Variants in EPHB1 observed in about 807,000 individuals in gnomAD.
The protein encoded by EPHB1 is EPH receptor B1.
Under a neutral mutation model 94.4 loss-of-function variants are expected in EPHB1, and 30 were observed. The ratio of observed to expected loss-of-function variants is 0.32; its 90% CI spans 0.24 to 0.43. The LOEUF is 0.43. EPHB1 is among the 20% of genes least tolerant of loss of function. EPHB1 has a pLI of 1.00. For synonymous variants in EPHB1, 522 were observed against 489.1 expected, an observed-to-expected ratio of 1.07 and a Z score of -0.89; for missense variants, 1,055 against 1,308.3, an observed-to-expected ratio of 0.81 and a Z score of 2.99.
chr3:135,249,276 T>C, intron 14 of EPHB1, 60 bp from the exon 15 acceptor site: 1 of 1,544,950 alleles, frequency 6.5e-7, no homozygotes, highest in Non-Finnish European at 8.7e-7. Context: ...CAGGCCAGAC[T>C]GGGGCACTGT....
chr3:135,131,883 A>G (rs1467503655), intron 4 of EPHB1, among the ~76,000 whole-genome samples: 1 of 152,180 alleles, frequency 6.6e-6, no homozygotes, highest in Admixed American at 6.5e-5. Flanking sequence ...TCCCGCAGGT[A>G]TGGGCTTTCA....
intron 1 of EPHB1, among the ~76,000 whole-genome samples, chr3:134,850,885 T>C (rs2036967288): frequency 6.6e-6 from 1 of 152,218 alleles, no homozygotes; most frequent in Non-Finnish European, 1.5e-5. Context: ...TTCTAACCTG[T>C]TGGTGCAGAG....
At chr3:135,185,516 C>T (rs1045634804) in intron 10 of EPHB1, among the ~76,000 whole-genome samples, 10 of 152,308 alleles carry the variant, frequency 6.6e-5, no homozygotes, top group Non-Finnish European at 1.2e-4. Context: ...ATTTAAGTCT[C>T]TTATTGCTCT....
chr3:134,850,830 G>T (rs1211087078), intron 1 of EPHB1, among the ~76,000 whole-genome samples: 1 of 152,236 alleles, frequency 6.6e-6, no homozygotes. Context: ...GCACGAGGGA[G>T]GTGCAGACAG....
chr3:134,837,737 T>C (rs957141511), intron 1 of EPHB1, among the ~76,000 whole-genome samples: 11 of 152,326 alleles, frequency 7.2e-5, no homozygotes, highest in South Asian at 4.1e-4. Context: ...CCCTCAGATA[T>C]TGAACATCAG....
intron 1 of EPHB1, among the ~76,000 whole-genome samples, chr3:134,868,752 G>GA (rs1454644665): frequency 6.6e-6 from 1 of 152,100 alleles, no homozygotes; most frequent in African/African-American, 2.4e-5. Context: ...CAAATTATGG[G>GA]AAAAAAAGCT....
chr3:134,815,023 A>G (rs1169384760), intron 1 of EPHB1, among the ~76,000 whole-genome samples: 9 of 152,186 alleles, frequency 5.9e-5, no homozygotes, highest in Non-Finnish European at 1.3e-4. Flanking sequence ...AAATAAATTA[A>G]CAAGCTTATT....
chr3:135,185,353 G>A (rs9826754), intron 10 of EPHB1, among the ~76,000 whole-genome samples: 145 of 152,270 alleles, frequency 9.5e-4, no homozygotes, highest in African/African-American at 3.4e-3. Context: ...CAGCATGAGG[G>A]TAGCTCCACA....
intron 1 of EPHB1, among the ~76,000 whole-genome samples, chr3:134,838,514 C>T (rs1279765208): frequency 6.6e-6 from 1 of 152,180 alleles, no homozygotes; most frequent in Non-Finnish European, 1.5e-5. Flanking sequence ...AAAATTTTAT[C>T]ATCCTGTGGG....
intron 12 of EPHB1, among the ~76,000 whole-genome samples, chr3:135,215,786 A>C (rs1943137195): frequency 6.6e-6 from 1 of 152,184 alleles, no homozygotes; most frequent in African/African-American, 2.4e-5. Flanking sequence ...TTTCTGATTC[A>C]TGGATCTGAG....
At chr3:135,152,895 A>G (rs979172101) in intron 5 of EPHB1, among the ~76,000 whole-genome samples, 1 of 152,172 alleles carries the variant, frequency 6.6e-6, no homozygotes, top group Non-Finnish European at 1.5e-5. Flanking sequence ...CAGCCACCAC[A>G]AGGTCTCTAA....
chr3:134,833,422 A>G (rs1035085315), intron 1 of EPHB1, among the ~76,000 whole-genome samples: 1 of 152,232 alleles, frequency 6.6e-6, no homozygotes, highest in African/African-American at 2.4e-5. Flanking sequence ...CAATTTTCCC[A>G]TGGAAACAAT....
intron 3 of EPHB1, among the ~76,000 whole-genome samples, chr3:135,016,644 G>A (rs2107751845): frequency 1.3e-5 from 2 of 152,348 alleles, no homozygotes; most frequent in Admixed American, 1.3e-4. Flanking sequence ...TCATAGGCAG[G>A]ATCAGGCCTA....
chr3:135,046,993 G>A (rs1388665268), intron 3 of EPHB1, among the ~76,000 whole-genome samples: 1 of 152,196 alleles, frequency 6.6e-6, no homozygotes, highest in African/African-American at 2.4e-5. Context: ...TGAGCTTGAT[G>A]TAATGAGTCT....
intron 11 of EPHB1, among the ~76,000 whole-genome samples, chr3:135,200,660 C>A (rs9824249): frequency 2.0e-5 from 3 of 151,882 alleles, no homozygotes; most frequent in Admixed American, 6.6e-5. Flanking sequence ...TCTTGTCCTC[C>A]AAGAGTATAA....
rs1243166805 is a variant in EPHB1 at position 135,253,001 on chromosome 3, G to A, written c.2846+3510G>A. On this transcript the variant is annotated intron_variant, in intron 15 of 15. Transcript: ENST00000398015. ...GCATTTTTTCATGTGTTTTTTGGCT[G>A]CATAAATGTCTTCTTTTGAGAAGTG... 3.3e-5 allele frequency among the ~76,000 whole-genome samples: 5 copies of A among 149,312 alleles called. No homozygotes were observed. The South Asian group carries it at 1.1e-3, about 32-fold the overall frequency.
intron 3 of EPHB1, among the ~76,000 whole-genome samples, chr3:135,098,242 T>G (rs908520842): frequency 2.0e-5 from 3 of 152,244 alleles, no homozygotes; most frequent in African/African-American, 7.2e-5. Flanking sequence ...ACTAAAGTCA[T>G]GTATATGTAA....
At chr3:135,152,839 A>G (rs1354806699) in intron 5 of EPHB1, among the ~76,000 whole-genome samples, 1 of 152,104 alleles carries the variant, frequency 6.6e-6, no homozygotes, top group Non-Finnish European at 1.5e-5. Flanking sequence ...TGGAGCTGTT[A>G]GTTAATTACT....
At chr3:134,862,914 TGC>T (rs898159270) in intron 1 of EPHB1, among the ~76,000 whole-genome samples, 24 of 152,220 alleles carry the variant, frequency 1.6e-4, no homozygotes, top group African/African-American at 5.5e-4. Flanking sequence ...CTGGAATGTG[TGC>T]CACACTGGTG....
Sources: gnomAD v4.1 joint callset for allele counts (sites outside exome capture counted in the v4.1 genomes callset) on GRCh38, gnomAD v4.1.1 for gene constraint, MANE v1.5 for transcripts, NCBI Gene and HGNC (gene_info 2026-07-23, HGNC 2026-07-21) for gene names.